SHROOM3: variants seen among roughly 807,000 people sequenced by gnomAD.
The protein encoded by SHROOM3 is protein Shroom3.
In SHROOM3, 47 loss-of-function variants were observed where a neutral mutation model predicts 138.6. That is an observed-to-expected ratio of 0.34 (90% CI 0.27 to 0.43). The LOEUF is 0.43. Among genes scored for constraint, SHROOM3 ranks in the 20% least tolerant of loss-of-function variants. The pLI is 1.00. For missense variants in SHROOM3, 2,491 were observed against 2,596.5 expected, an observed-to-expected ratio of 0.96 and a Z score of 0.88; for synonymous variants, 1,062 against 1,063.3, an observed-to-expected ratio of 1.00 and a Z score of 0.02.
chr4:76,450,783 G>A (rs537728282), intron 1 of SHROOM3, among the ~76,000 whole-genome samples: 29 of 152,252 alleles, frequency 1.9e-4, no homozygotes, highest in African/African-American at 6.7e-4. Context: ...CTGAAACTAG[G>A]TGTTCTGAAA....
At chr4:76,528,548 C>CTTTTTTT (rs35121750) in intron 1 of SHROOM3, among the ~76,000 whole-genome samples, 5 of 125,034 alleles carry the variant, frequency 4.0e-5, no homozygotes, top group African/African-American at 6.3e-5. Flanking sequence ...TTCTTTCTTT[C>CTTTTTTT]TTTTTTTTTT....
At chr4:76,697,072 G>A (rs1392240596) in intron 2 of SHROOM3, among the ~76,000 whole-genome samples, 1 of 151,118 alleles carries the variant, frequency 6.6e-6, no homozygotes, top group Admixed American at 6.6e-5. Context: ...ACATGCCACC[G>A]CACCCAGCTA....
At chr4:76,557,216 T>G (rs948381665) in intron 2 of SHROOM3, among the ~76,000 whole-genome samples, 7 of 124,474 alleles carry the variant, frequency 5.6e-5, no homozygotes, top group Non-Finnish European at 1.2e-4. Flanking sequence ...TATATGTATA[T>G]GTTTATGTAT....
At chr4:76,656,007 C>T (rs1348461827) in intron 2 of SHROOM3, among the ~76,000 whole-genome samples, 1 of 152,172 alleles carries the variant, frequency 6.6e-6, no homozygotes, top group Admixed American at 6.5e-5. Flanking sequence ...ATTAGAGACT[C>T]GTGGAGACCA....
chr4:76,564,388 G>T (rs1041011110), intron 2 of SHROOM3, among the ~76,000 whole-genome samples: 1 of 152,182 alleles, frequency 6.6e-6, no homozygotes, highest in East Asian at 1.9e-4. Context: ...AAGAGGCCTG[G>T]CATCATGGAA....
At chr4:76,500,042 C>T (rs748858668) in intron 1 of SHROOM3, among the ~76,000 whole-genome samples, 1 of 152,158 alleles carries the variant, frequency 6.6e-6, no homozygotes, top group Non-Finnish European at 1.5e-5. Context: ...AAATGTGTTG[C>T]CTAAAGGCCT....
intron 2 of SHROOM3, among the ~76,000 whole-genome samples, chr4:76,634,759 T>C (rs1243086292): frequency 3.9e-5 from 6 of 152,246 alleles, no homozygotes; most frequent in Admixed American, 3.3e-4. Context: ...TTTTAAACTT[T>C]TAAAAATAAC....
At chr4:76,571,984 G>A (rs1166595453) in intron 2 of SHROOM3, among the ~76,000 whole-genome samples, 2 of 152,082 alleles carry the variant, frequency 1.3e-5, no homozygotes, top group Non-Finnish European at 2.9e-5. Context: ...AAGCACTCAA[G>A]CTACTCCCAT....
intron 6 of SHROOM3, 39 bp from the exon 7 acceptor site, chr4:76,754,272 C>CTTCAA: frequency 6.2e-7 from 1 of 1,613,792 alleles, no homozygotes. Flanking sequence ...TTGCCCCTTT[C>CTTCAA]TTCAGAGCTG....
intron 1 of SHROOM3, among the ~76,000 whole-genome samples, chr4:76,522,214 A>G (rs963691662): frequency 9.4e-5 from 14 of 149,118 alleles, no homozygotes; most frequent in African/African-American, 3.4e-4. Flanking sequence ...AGTCTATATT[A>G]TATATGAATA....
At chr4:76,612,960 A>T (rs1435189607) in intron 2 of SHROOM3, among the ~76,000 whole-genome samples, 1 of 152,218 alleles carries the variant, frequency 6.6e-6, no homozygotes, top group Non-Finnish European at 1.5e-5. Context: ...AAATAAAAGT[A>T]GACACTATTG....
chr4:76,580,415 C>T (rs1036076158), intron 2 of SHROOM3, among the ~76,000 whole-genome samples: 1 of 149,436 alleles, frequency 6.7e-6, no homozygotes, highest in Middle Eastern at 3.5e-3. Context: ...AATCCTATTA[C>T]TACCACTTGT....
At chr4:76,532,682 T>G (rs1483153086) in intron 1 of SHROOM3, among the ~76,000 whole-genome samples, 1 of 152,224 alleles carries the variant, frequency 6.6e-6, no homozygotes, top group African/African-American at 2.4e-5. Flanking sequence ...ATAAATTTGT[T>G]TTTCCATCTT....
chr4:76,741,611 C>A lies in SHROOM3; in HGVS notation c.3438C>A (p.Ser1146Arg). The change falls in exon 5 of 11, where the codon AGC (serine) becomes AGA (arginine). Residue 1146 changes from serine (S) to arginine (R), a missense_variant. Transcript: ENST00000296043. The surrounding 1 kb of genome is among the most constrained non-coding windows in gnomAD (Gnocchi z 6.2). ...ASSLSSLREP[S>R]LQPRREATLL... ...GCTTGAGCTCACTGCGGGAGCCCAG[C>A]CTGCAGCCCCGCAGGGAGGCCACGC... 6.5e-7 allele frequency: 1 copy of A among 1,539,826 alleles called. No individual in the cohort carries two copies. The highest frequency in any genetic ancestry group is 8.7e-7 in the Non-Finnish European group (1 of 1,148,394).
intron 3 of SHROOM3, among the ~76,000 whole-genome samples, chr4:76,718,998 G>A (rs145499281): frequency 6.6e-6 from 1 of 152,278 alleles, no homozygotes; most frequent in East Asian, 1.9e-4. Flanking sequence ...CGGGCACTCA[G>A]CCTCACCATC....
intron 8 of SHROOM3, among the ~76,000 whole-genome samples, chr4:76,757,842 C>T (rs1389109396): frequency 6.6e-6 from 1 of 152,186 alleles, no homozygotes; most frequent in Non-Finnish European, 1.5e-5. Context: ...CTTTCATTTT[C>T]TCTTAAATTT....
At chr4:76,715,183 G>C (rs1037415181) in intron 3 of SHROOM3, among the ~76,000 whole-genome samples, 2 of 151,978 alleles carry the variant, frequency 1.3e-5, no homozygotes, top group African/African-American at 4.8e-5. Flanking sequence ...TGAGTAACAG[G>C]TATATATATA....
rs61741120 is a variant in SHROOM3 at position 76,740,012 on chromosome 4, G to A, written c.1839G>A (p.Ala613=). The change falls in exon 5 of 11, where the codon GCG becomes GCA. Residue 613 remains alanine, a synonymous_variant. Coordinates refer to ENST00000296043, the MANE Select transcript of SHROOM3 (RefSeq NM_020859.4). This position sits in a 1 kb window ranked among gnomAD's most constrained non-coding sequence, Gnocchi z 4.0. ...GCCCTCAGGCTCAGGCCTGGCAAGC[G>A]GGTGAAGACAAGAGATCTTCCAGGC... is the stretch of plus-strand genomic sequence containing the variant. ...LKCPQAQAWQ[A]GEDKRSSRLS... is the part of the protein sequence containing the mutation. 5.7e-4 allele frequency: 928 copies of A among 1,613,962 alleles called. 3 individuals carry two copies. The African/African-American group carries it at 0.011, about 18-fold the overall frequency.
chr4:76,460,601 T>C lies in SHROOM3; in HGVS notation c.168+24381T>C, dbSNP rs1381264600. Among the ~76,000 whole-genome samples, 3 of 152,078 alleles carry C rather than the reference T, an allele frequency of 2.0e-5. No individual in the cohort carries two copies. In the East Asian group the frequency reaches 5.8e-4, roughly 29 times the overall value. The stretch of plus-strand genomic sequence containing the variant: ...CAGGTTTGGTTTCTCCTGAGGACTT[T>C]GTCCTAAGTTTGCAGAGGCTGCCTT... On this transcript the variant is annotated intron_variant, in intron 1 of 10. Coordinates refer to ENST00000296043, the MANE Select transcript of SHROOM3 (RefSeq NM_020859.4).
Sources: gnomAD v4.1 joint callset for allele counts (sites outside exome capture counted in the v4.1 genomes callset) on GRCh38, gnomAD v4.1.1 for gene constraint, Gnocchi (gnomAD v3.1) non-coding constraint, MANE v1.5 for transcripts, NCBI Gene and HGNC (gene_info 2026-07-23, HGNC 2026-07-21) for gene names.